Variants in CSMD1 observed in about 807,000 individuals in gnomAD.
CSMD1 encodes CUB and sushi domain-containing protein 1.
Under a neutral mutation model 417.5 loss-of-function variants are expected in CSMD1, and 213 were observed. The observed-to-expected ratio is 0.51, with a 90% CI of 0.46 to 0.57. CSMD1 has a LOEUF of 0.57. CSMD1 is among the 20% of genes least tolerant of loss of function. The pLI is 0.00. For synonymous variants in CSMD1, 2,862 were observed against 1,736.8 expected (o/e 1.65, Z -16.11); for missense variants, 6,923 against 4,529.7 (o/e 1.53, Z -15.17).
At chr8:3,257,301 G>C (rs191149644) in intron 26 of CSMD1, among the ~76,000 whole-genome samples, 12 of 152,312 alleles carry the variant, frequency 7.9e-5, no homozygotes, top group African/African-American at 2.4e-4. Flanking sequence ...TCCAGCCCGC[G>C]CTATAAGAGT....
chr8:3,409,426 C>T lies in CSMD1; in HGVS notation c.1741G>A (p.Val581Ile). 1 of 1,607,518 alleles carries T rather than the reference C, an allele frequency of 6.2e-7. No individual in the cohort carries two copies. The highest frequency in any genetic ancestry group is 8.5e-7 in the Non-Finnish European group (1 of 1,176,920). ...CAGGTCAAGGCATAATACTCACATACACAGCTGGGCTTGTTGCCAGACCAC... is the reference window on the plus strand; with the variant it reads ...CAGGTCAAGGCATAATACTCACATATACAGCTGGGCTTGTTGCCAGACCAC... The part of the protein sequence containing the change: ...NQWSGNKPSC[V>I]FSCFFNFTAS... Residue 581 changes from valine to isoleucine, a missense_variant, in exon 13 of 70, where the codon GTA (valine) becomes ATA (isoleucine). Transcript: ENST00000635120.
At chr8:4,724,974 C>A (rs374681882) in intron 1 of CSMD1, among the ~76,000 whole-genome samples, 33 of 152,036 alleles carry the variant, frequency 2.2e-4, no homozygotes, top group Middle Eastern at 6.8e-3. Context: ...AAAACATAAG[C>A]CCATAACATT....
intron 52 of CSMD1, among the ~76,000 whole-genome samples, 173 bp downstream of exon 52, chr8:3,018,304 T>C (rs1809036126): frequency 6.6e-6 from 1 of 152,170 alleles, no homozygotes; most frequent in African/African-American, 2.4e-5. Context: ...TTGCTCGGAT[T>C]AAAAACAAAT....
chr8:3,925,782 T>C (rs965094688), intron 5 of CSMD1, among the ~76,000 whole-genome samples: 5 of 152,124 alleles, frequency 3.3e-5, no homozygotes, highest in African/African-American at 1.2e-4. Flanking sequence ...CCTCTTTTTA[T>C]TCCCAGTTTT....
chr8:4,568,173 T>C (rs540868700), intron 2 of CSMD1, among the ~76,000 whole-genome samples: 43 of 152,322 alleles, frequency 2.8e-4, no homozygotes, highest in South Asian at 1.7e-3. Flanking sequence ...AGTTATGGGA[T>C]ACATGTGCAG....
intron 12 of CSMD1, among the ~76,000 whole-genome samples, chr8:3,449,590 T>C (rs940263353): frequency 3.3e-5 from 5 of 152,084 alleles, no homozygotes; most frequent in African/African-American, 1.2e-4. Flanking sequence ...CAATATTGGC[T>C]CACTGCAAAC....
intron 5 of CSMD1, among the ~76,000 whole-genome samples, chr8:3,863,392 G>A (rs1804857237): frequency 8.3e-6 from 1 of 120,414 alleles, no homozygotes; most frequent in South Asian, 2.7e-4. Flanking sequence ...ATGATACTCT[G>A]CTCAAAAAAA....
intron 6 of CSMD1, among the ~76,000 whole-genome samples, chr8:3,710,744 A>C (rs1170862544): frequency 6.6e-6 from 1 of 152,142 alleles, no homozygotes; most frequent in African/African-American, 2.4e-5. Context: ...CAACCTTCCA[A>C]AAGCCATCTG....
intron 3 of CSMD1, among the ~76,000 whole-genome samples, chr8:4,141,240 G>A (rs36092596): frequency 0.3 from 45,299 of 150,844 alleles, 8,458 homozygotes; most frequent in Non-Finnish European, 0.39. Flanking sequence ...ACAAGATACT[G>A]AAGAATAAGC....
intron 1 of CSMD1, among the ~76,000 whole-genome samples, chr8:4,875,430 T>A (rs912257418): frequency 2.6e-5 from 4 of 152,088 alleles, no homozygotes; most frequent in Non-Finnish European, 5.9e-5. Flanking sequence ...GGGAGTTCTA[T>A]CCTAAATATG....
chr8:3,175,272 A>G (rs901024127), intron 37 of CSMD1, among the ~76,000 whole-genome samples: 1 of 152,194 alleles, frequency 6.6e-6, no homozygotes, highest in Admixed American at 6.5e-5. Context: ...AAATAATGAA[A>G]GAGTTGTTAT....
intron 3 of CSMD1, among the ~76,000 whole-genome samples, chr8:4,200,885 C>T (rs1004298275): frequency 6.6e-6 from 1 of 152,190 alleles, no homozygotes; most frequent in African/African-American, 2.4e-5. Flanking sequence ...AATAATAACA[C>T]ATCTTTAAGA....
At chr8:3,478,845 C>A (rs938966211) in intron 11 of CSMD1, among the ~76,000 whole-genome samples, 1 of 152,154 alleles carries the variant, frequency 6.6e-6, no homozygotes, top group African/African-American at 2.4e-5. Context: ...AAGAGGGATG[C>A]AGCTATATAA....
At chr8:4,236,143 T>C (rs1802044948) in intron 3 of CSMD1, among the ~76,000 whole-genome samples, 1 of 151,210 alleles carries the variant, frequency 6.6e-6, no homozygotes, top group Non-Finnish European at 1.5e-5. Flanking sequence ...ACACCGTATG[T>C]TATCAGTAAG....
chr8:4,489,274 G>T (rs1178207780), intron 2 of CSMD1, among the ~76,000 whole-genome samples: 1 of 152,128 alleles, frequency 6.6e-6, no homozygotes, highest in Non-Finnish European at 1.5e-5. Context: ...AATAAGCAAG[G>T]AGCTGCAGAA....
At chr8:3,539,395 G>A (rs1187269023) in intron 10 of CSMD1, among the ~76,000 whole-genome samples, 1 of 152,078 alleles carries the variant, frequency 6.6e-6, no homozygotes, top group East Asian at 1.9e-4. Flanking sequence ...CATATTATTT[G>A]TTTCCAGGCT....
intron 36 of CSMD1, among the ~76,000 whole-genome samples, chr8:3,187,167 A>T (rs998428734): frequency 2.6e-5 from 4 of 152,238 alleles, no homozygotes; most frequent in Non-Finnish European, 4.4e-5. Context: ...AATACTGATC[A>T]TCATCACTGC....
At chr8:4,856,492 C>T (rs1469918443) in intron 1 of CSMD1, among the ~76,000 whole-genome samples, 1 of 139,374 alleles carries the variant, frequency 7.2e-6, no homozygotes, top group Non-Finnish European at 1.5e-5. Context: ...ATAGTCAACA[C>T]CCATCAGTGT....
At chr8:3,758,206 C>A (rs1797776198) in intron 5 of CSMD1, among the ~76,000 whole-genome samples, 1 of 152,114 alleles carries the variant, frequency 6.6e-6, no homozygotes, top group Non-Finnish European at 1.5e-5. Flanking sequence ...TCAGGTGATC[C>A]AACCCCATCA....
Sources: allele counts gnomAD v4.1 joint callset (sites outside exome capture counted in the v4.1 genomes callset), GRCh38; gene constraint gnomAD v4.1.1; transcripts MANE v1.5; gene names NCBI Gene and HGNC (gene_info 2026-07-23, HGNC 2026-07-21).